Variants in WNK1 observed in about 807,000 individuals in gnomAD.
The protein encoded by WNK1 is WNK lysine deficient protein kinase 1.
A neutral mutation model predicts 222.8 loss-of-function variants in WNK1; 38 were observed. The ratio of observed to expected loss-of-function variants is 0.17; its 90% CI spans 0.13 to 0.22. The LOEUF is 0.22. Among genes scored for constraint, WNK1 ranks in the 10% least tolerant of loss-of-function variants. The pLI, the probability that WNK1 is intolerant of heterozygous loss-of-function variation, is 1.00. For missense variants in WNK1, 2,348 were observed against 2,918.4 expected (o/e 0.80, Z 4.50); for synonymous variants, 1,090 against 1,092.9 (o/e 1.00, Z 0.05).
chr12:754,071 C>G lies in WNK1; in HGVS notation c.506C>G (p.Pro169Arg), dbSNP rs1268492593. 4.4e-6 allele frequency: 7 copies of G among 1,606,952 alleles called. No individual in the cohort carries two copies. Among genetic ancestry groups the G allele is most frequent in the East Asian group, 2.2e-5 (1 of 44,760 alleles). ...STSKDRPVSQ[P>R]SLVGSKEEPP... ...AGCAAAGACCGCCCAGTGTCCCAGC[C>G]TAGCCTTGTGGGGAGCAAAGAGGAG... The change falls in exon 1 of 28, where the codon CCT becomes CGT. Residue 169 changes from proline (P) to arginine (R), a missense_variant. By Grantham distance (103) the Pro-to-Arg change is moderately radical. Transcript: ENST00000315939.
Position 908,782 on chromosome 12 carries a change from G to C in WNK1, c.7139G>C (p.Arg2380Pro), listed in dbSNP as rs531919850. ...SISNPPGSNL[R>P]TT ...AGCAACCCCCCAGGCTCCAACCTGC[G>C]GACCACTTAGACCTAGAGACATTAA... The change falls in exon 28 of 28, where the codon CGG becomes CCG. Residue 2380 changes from arginine to proline, a missense_variant. Arg to Pro is a moderately radical substitution (Grantham distance 103). Around this residue, in one of 13 missense-constraint regions of WNK1, gnomAD observed 76 missense variants for 85.7 expected, o/e 0.89. Transcript: ENST00000315939. The C allele has an allele frequency of 3.6e-6, 5 of 1,405,556 alleles. No homozygotes were observed. Among genetic ancestry groups the C allele is most frequent in the Non-Finnish European group, 4.8e-6 (5 of 1,048,908 alleles). The allele number at this position is 1,405,556 out of a possible 1,614,324, so 87.1% of individuals were successfully genotyped here.
At chr12:900,434 A>G in intron 25 of WNK1, 42 bp from the exon 26 acceptor site, 3 of 1,608,204 alleles carry the variant, frequency 1.9e-6, no homozygotes, top group Non-Finnish European at 1.7e-6. Context: ...GTGCATGGGA[A>G]GAGCTGGACA....
In WNK1 at chr12:908,861, G is replaced by GGGGA; in HGVS notation, c.*69_*70insGGGA. ...ATGCTGAGGGGGTGGGTGGGGGTGG[G>GGGGA]AAGTAGCCTATATACTAACTACTAG... On this transcript the variant is annotated 3_prime_UTR_variant, in exon 28 of 28. Coordinates refer to ENST00000315939, the MANE Select transcript of WNK1 (RefSeq NM_018979.4). The GGGGA allele has an allele frequency of 2.0e-6, 1 of 491,846 alleles. No individual in the cohort carries two copies. Among genetic ancestry groups the GGGGA allele is most frequent in the East Asian group, 6.0e-5 (1 of 16,748 alleles). The allele number at this position is 491,846 out of a possible 1,614,324, so 30.5% of individuals were successfully genotyped here.
intron 1 of WNK1, among the ~76,000 whole-genome samples, chr12:795,092 G>A (rs1035702222): frequency 6.6e-6 from 1 of 152,002 alleles, no homozygotes; most frequent in South Asian, 2.1e-4. Flanking sequence ...TTTCTATCTG[G>A]CATTGGTGTT....
intron 23 of WNK1, among the ~76,000 whole-genome samples, chr12:895,270 C>T (rs1954639675): frequency 6.6e-6 from 1 of 152,064 alleles, no homozygotes; most frequent in South Asian, 2.1e-4. Flanking sequence ...TTTGTAAATA[C>T]ATGGACAAAC....
intron 1 of WNK1, among the ~76,000 whole-genome samples, chr12:768,388 G>A (rs1409817722): frequency 2.6e-5 from 4 of 151,940 alleles, no homozygotes; most frequent in African/African-American, 4.8e-5. Context: ...TGCCCGCCTC[G>A]GCCTCCCAAA....
rs1953052990 is a variant in WNK1, at chr12:880,574, T to C, written c.2833-147T>C. On this transcript the variant is annotated intron_variant, in intron 11 of 27. Coordinates refer to ENST00000315939, the MANE Select transcript of WNK1 (RefSeq NM_018979.4). ...CTACTTCATTTCAAGAATGTGGTCT[T>C]TATATGCCCTTTAGATTATTAGAAA... The C allele has an allele frequency of 3.4e-6, 3 of 894,176 alleles. No individual in the cohort carries two copies. In the South Asian group the frequency reaches 4.3e-5, roughly 13 times the overall value. 55.4% of individuals were successfully genotyped at this position (894,176 alleles called of 1,614,324 possible).
At chr12:781,540 G>T (rs944077974) in intron 1 of WNK1, among the ~76,000 whole-genome samples, 2 of 152,174 alleles carry the variant, frequency 1.3e-5, no homozygotes, top group Non-Finnish European at 2.9e-5. Flanking sequence ...AGTTAGGTGT[G>T]TGTGAAGTTT....
intron 8 of WNK1, among the ~76,000 whole-genome samples, chr12:867,090 CAG>C (rs1951737582): frequency 6.6e-6 from 1 of 152,182 alleles, no homozygotes; most frequent in African/African-American, 2.4e-5. Flanking sequence ...CACTGCACTC[CAG>C]CCTGGGCGAA....
rs1449724578 is a variant in WNK1, at chr12:900,584, A to C, written c.6557A>C (p.Lys2186Thr). The C allele has an allele frequency of 1.7e-5, 27 of 1,614,078 alleles. No individual in the cohort carries two copies. The highest frequency in any genetic ancestry group is 2.3e-5 in the Non-Finnish European group (27 of 1,180,038). The stretch of plus-strand genomic sequence containing the variant: ...CAGAATCAGCTGTTACAGCCCCTTA[A>C]GCCATCTCCCTCCAGTGACAACCTC... ...SGQNQLLQPL[K>T]PSPSSDNLYS... Residue 2186 changes from lysine (K) to threonine (T), a missense_variant, in exon 26 of 28, where the codon AAG becomes ACG. By Grantham distance (78) the Lys-to-Thr change is moderately conservative (BLOSUM62 -1). Coordinates refer to ENST00000315939, the MANE Select transcript of WNK1 (RefSeq NM_018979.4).
At chr12:858,843 T>G (rs1486419992) in intron 5 of WNK1, among the ~76,000 whole-genome samples, 3 of 152,186 alleles carry the variant, frequency 2.0e-5, no homozygotes, top group African/African-American at 7.2e-5. Context: ...AAATGCTATA[T>G]AAATGATCAT....
chr12:793,510 T>C (rs1945032781), intron 1 of WNK1, among the ~76,000 whole-genome samples: 1 of 152,080 alleles, frequency 6.6e-6, no homozygotes, highest in Non-Finnish European at 1.5e-5. Flanking sequence ...AAAAGACAGG[T>C]TGATAACAGT....
chr12:850,702 G>T (rs1950358629), intron 4 of WNK1, among the ~76,000 whole-genome samples: 1 of 152,194 alleles, frequency 6.6e-6, no homozygotes, highest in Non-Finnish European at 1.5e-5. Context: ...TATGGTTTTA[G>T]GTCTAACATT....
intron 8 of WNK1, chr12:869,186 G>C: frequency 1.3e-6 from 2 of 1,546,292 alleles, no homozygotes; most frequent in Non-Finnish European, 1.8e-6. Context: ...TTATTTCCCT[G>C]AATCATGGAT....
chr12:831,147 C>T (rs896537416), intron 4 of WNK1, among the ~76,000 whole-genome samples: 10 of 152,048 alleles, frequency 6.6e-5, no homozygotes, highest in African/African-American at 1.7e-4. Context: ...CTTTTTTACT[C>T]GCATTCACCC....
At chr12:757,786 C>T (rs1940353522) in intron 1 of WNK1, among the ~76,000 whole-genome samples, 1 of 146,852 alleles carries the variant, frequency 6.8e-6, no homozygotes. Flanking sequence ...GCCTGTAATC[C>T]CAGCACTTTG....
chr12:759,371 C>A (rs1397709256), intron 1 of WNK1, among the ~76,000 whole-genome samples: 2 of 147,064 alleles, frequency 1.4e-5, no homozygotes, highest in Admixed American at 6.7e-5. Flanking sequence ...CACTCTGTCG[C>A]CCAGGCTGGA....
chr12:898,333 A>G (rs1251570036), intron 25 of WNK1, among the ~76,000 whole-genome samples: 1 of 152,022 alleles, frequency 6.6e-6, no homozygotes, highest in African/African-American at 2.4e-5. Context: ...AAATAAAAAA[A>G]TTAGGTGGGC....
chr12:842,493 TA>T (rs1179020652), intron 4 of WNK1, among the ~76,000 whole-genome samples: 1 of 152,188 alleles, frequency 6.6e-6, no homozygotes, highest in African/African-American at 2.4e-5. Context: ...TATTTTATTT[TA>T]TTTTTTTAGG....
Sources: allele counts gnomAD v4.1 joint callset (sites outside exome capture counted in the v4.1 genomes callset), GRCh38; gene constraint gnomAD v4.1.1; regional missense constraint gnomAD v4.1.1; transcripts MANE v1.5; gene names NCBI Gene and HGNC (gene_info 2026-07-23, HGNC 2026-07-21).